Variants in RNLS observed in about 807,000 individuals in gnomAD.
RNLS encodes the protein renalase, FAD dependent amine oxidase.
In RNLS, 39 loss-of-function variants were observed where a neutral mutation model predicts 39.8. The observed-to-expected ratio is 0.98, with a 90% CI of 0.76 to 1.28. The LOEUF (loss-of-function observed/expected upper bound fraction) is 1.28. Among genes scored for constraint, RNLS ranks in the 50% most tolerant of loss-of-function variants. The pLI is 0.00. For synonymous variants in RNLS, 147 were observed against 150.7 expected, an observed-to-expected ratio of 0.98 and a Z score of 0.18; for missense variants, 410 against 413.3, an observed-to-expected ratio of 0.99 and a Z score of 0.07.
chr10:88,387,185 T>G (rs1851912537), intron 4 of RNLS, among the ~76,000 whole-genome samples: 1 of 152,160 alleles, frequency 6.6e-6, no homozygotes, highest in Admixed American at 6.5e-5. Context: ...TATTTGGAAC[T>G]GCTCCAAACC....
intron 4 of RNLS, among the ~76,000 whole-genome samples, chr10:88,438,754 A>G (rs1262457381): frequency 6.6e-6 from 1 of 152,190 alleles, no homozygotes; most frequent in Non-Finnish European, 1.5e-5. Flanking sequence ...CCAGAAGTCT[A>G]CTGGAAACTT....
At position 88,314,755 on chromosome 10, in the gene RNLS, G is replaced by C; in HGVS notation, c.701-114C>G. On this transcript the variant is annotated intron_variant, in intron 5 of 6. Coordinates refer to ENST00000331772, the MANE Select transcript of RNLS (RefSeq NM_001031709.3). ...TCACAATAATCAAGCAATAAATGGAGGAAAAACTTATTCTAATCTCTAAAG... is the reference window on the plus strand; with the variant it reads ...TCACAATAATCAAGCAATAAATGGACGAAAAACTTATTCTAATCTCTAAAG... The C allele has an allele frequency of 7.2e-6, 6 of 837,972 alleles. No individual in the cohort carries two copies. The South Asian group carries it at 1.6e-4, about 23-fold the overall frequency. 51.9% of individuals were successfully genotyped at this position (837,972 alleles called of 1,614,324 possible).
chr10:88,455,735 C>CT (rs1842594561), intron 4 of RNLS, among the ~76,000 whole-genome samples: 1 of 152,132 alleles, frequency 6.6e-6, no homozygotes, highest in South Asian at 2.1e-4. Context: ...TCCCTTTTCT[C>CT]TTTTTCCTCA....
intron 4 of RNLS, among the ~76,000 whole-genome samples, chr10:88,380,739 C>T (rs545989475): frequency 6.6e-6 from 1 of 152,052 alleles, no homozygotes; most frequent in South Asian, 2.1e-4. Context: ...TAAAAATATC[C>T]TATACTTTCT....
At chr10:88,368,559 C>A (rs948330284) in intron 4 of RNLS, among the ~76,000 whole-genome samples, 7 of 151,894 alleles carry the variant, frequency 4.6e-5, no homozygotes, top group Non-Finnish European at 7.4e-5. Context: ...TGTTTTTTCT[C>A]TAAACATGGT....
intron 4 of RNLS, among the ~76,000 whole-genome samples, chr10:88,511,618 A>T (rs1846128142): frequency 6.6e-6 from 1 of 152,100 alleles, no homozygotes; most frequent in Non-Finnish European, 1.5e-5. Context: ...CAACATTTAT[A>T]GGCCTGAGAA....
At chr10:88,446,876 A>G (rs1262181403) in intron 4 of RNLS, among the ~76,000 whole-genome samples, 1 of 152,202 alleles carries the variant, frequency 6.6e-6, no homozygotes, top group Non-Finnish European at 1.5e-5. Flanking sequence ...AATCAATAAC[A>G]TAATCCAGCA....
chr10:88,216,237 G>T, the RNLS span, among the ~76,000 whole-genome samples: 1 of 152,210 alleles, frequency 6.6e-6, no homozygotes, highest in Non-Finnish European at 1.5e-5. Context: ...TCAGGCTACA[G>T]AAGCTCTTCC....
the RNLS span, among the ~76,000 whole-genome samples, chr10:88,247,906 A>G: frequency 6.6e-5 from 10 of 152,258 alleles, no homozygotes; most frequent in Admixed American, 1.3e-4. Flanking sequence ...GCACTAGGCA[A>G]AGAATGCAGG....
rs891481229 is a variant in RNLS at position 88,362,649 on chromosome 10, T to C, written c.603A>G (p.Glu201=). Residue 201 remains glutamate, a synonymous_variant, in exon 5 of 7, where the codon GAA becomes GAG. Transcript: ENST00000331772. The part of the protein sequence containing the change: ...SSRYALGLFY[E]AGTKIDVPWA... Reference sequence around the variant, plus strand: ...AAGGGACATCAATCTTCGTACCAGCTTCATAAAAGAGGCCCAGAGCATATC... The same window carrying C: ...AAGGGACATCAATCTTCGTACCAGCCTCATAAAAGAGGCCCAGAGCATATC... 1 of 1,613,952 alleles carries C rather than the reference T, an allele frequency of 6.2e-7. No individual in the cohort carries two copies. The highest frequency in any genetic ancestry group is 8.5e-7 in the Non-Finnish European group (1 of 1,179,924).
intron 4 of RNLS, among the ~76,000 whole-genome samples, chr10:88,387,808 T>C (rs556995326): frequency 1.3e-5 from 2 of 152,276 alleles, no homozygotes; most frequent in Admixed American, 1.3e-4. Flanking sequence ...GGGAAGCAAA[T>C]GCTCTGACAG....
the RNLS span, among the ~76,000 whole-genome samples, chr10:88,258,152 T>C: frequency 6.6e-6 from 1 of 152,104 alleles, no homozygotes; most frequent in African/African-American, 2.4e-5. Flanking sequence ...AGGATAGAGT[T>C]TTGAGAAGCT....
intron 4 of RNLS, among the ~76,000 whole-genome samples, chr10:88,377,416 G>GTGAA (rs1851103359): frequency 6.6e-6 from 1 of 152,104 alleles, no homozygotes; most frequent in East Asian, 1.9e-4. Flanking sequence ...TCATCATTAG[G>GTGAA]TGATTTTGCA....
chr10:88,365,333 T>C (rs1481582713), intron 4 of RNLS, among the ~76,000 whole-genome samples: 1 of 151,750 alleles, frequency 6.6e-6, no homozygotes, highest in Non-Finnish European at 1.5e-5. Flanking sequence ...TAGTGCAAAA[T>C]ACTAAAGAAA....
intron 4 of RNLS, among the ~76,000 whole-genome samples, chr10:88,511,742 A>G (rs933603214): frequency 1.3e-5 from 2 of 152,182 alleles, no homozygotes; most frequent in Admixed American, 1.3e-4. Context: ...CGTGATCTAC[A>G]CTCAAATGCT....
At position 88,469,380 on chromosome 10, in the gene RNLS, A is replaced by T. The variant is rs147069356; in HGVS notation, c.526+103523T>A. 3.9e-5 allele frequency among the ~76,000 whole-genome samples: 6 copies of T among 152,252 alleles called. No individual in the cohort carries two copies. The East Asian group carries it at 9.6e-4, about 24-fold the overall frequency. ...ATCAGAGTCATTCCTGGGGATCTTGACTGTATAAATACTGGGACATATAAA... is the reference window on the plus strand; with the variant it reads ...ATCAGAGTCATTCCTGGGGATCTTGTCTGTATAAATACTGGGACATATAAA... On this transcript the variant is annotated intron_variant, in intron 4 of 6. Transcript: ENST00000331772.
intron 6 of RNLS, among the ~76,000 whole-genome samples, chr10:88,301,499 A>G (rs1031202254): frequency 2.6e-5 from 4 of 152,234 alleles, no homozygotes; most frequent in Admixed American, 1.3e-4. Context: ...AACTTATGAT[A>G]CATAGGCAAG....
the RNLS span, among the ~76,000 whole-genome samples, chr10:88,194,051 T>C: frequency 6.6e-6 from 1 of 152,208 alleles, no homozygotes; most frequent in African/African-American, 2.4e-5. Context: ...TGCCTAATAA[T>C]GGCATTCAAG....
the RNLS span, among the ~76,000 whole-genome samples, chr10:88,226,231 C>T: frequency 3.9e-5 from 6 of 152,268 alleles, no homozygotes; most frequent in East Asian, 1.2e-3. Context: ...ATTTTTAGCC[C>T]TTTATCTATG....
Sources: gnomAD v4.1 joint callset for allele counts (sites outside exome capture counted in the v4.1 genomes callset) on GRCh38, gnomAD v4.1.1 for gene constraint, MANE v1.5 for transcripts, NCBI Gene and HGNC (gene_info 2026-07-23, HGNC 2026-07-21) for gene names.